BCKDHB: variants seen among roughly 807,000 people sequenced by gnomAD.
BCKDHB encodes the protein branched chain keto acid dehydrogenase E1 subunit beta.
In BCKDHB, 41 loss-of-function variants were observed where a neutral mutation model predicts 48.5. That is an observed-to-expected ratio of 0.85 (90% CI 0.66 to 1.10). BCKDHB has a LOEUF of 1.10. BCKDHB is among the 50% of genes least tolerant of loss of function. The pLI, the probability that BCKDHB is intolerant of heterozygous loss-of-function variation, is 0.00. For missense variants in BCKDHB, 496 were observed against 494.2 expected (o/e 1.00, Z -0.03); for synonymous variants, 201 against 174.8 (o/e 1.15, Z -1.18).
rs925685727 is a variant in BCKDHB at position 80,344,543 on chromosome 6, C to G, written c.*739C>G. On this transcript the variant is annotated 3_prime_UTR_variant, in exon 10 of 10. Coordinates refer to ENST00000320393, the MANE Select transcript of BCKDHB (RefSeq NM_183050.4). ...TATATTTTTAGTAGAGACGGGGTTT[C>G]ACCATGTTGGCCAGGATGGTCTCGA... The G allele has an allele frequency of 6.6e-6, 1 of 152,284 alleles. No homozygotes were observed. The highest frequency in any genetic ancestry group is 2.4e-5 in the African/African-American group (1 of 41,356). 9.4% of individuals were successfully genotyped at this position (152,284 alleles called of 1,614,324 possible). A position where few individuals can be genotyped will look rare whatever the true frequency, so the allele number is the denominator to read the frequency against.
the BCKDHB span, among the ~76,000 whole-genome samples, chr6:80,354,547 T>C: frequency 2.6e-5 from 4 of 152,204 alleles, no homozygotes; most frequent in African/African-American, 9.6e-5. Context: ...TTGTTGTTAT[T>C]GCTTACACTT....
chr6:80,253,484 A>G (rs776578664), intron 8 of BCKDHB, among the ~76,000 whole-genome samples: 1 of 152,134 alleles, frequency 6.6e-6, no homozygotes, highest in African/African-American at 2.4e-5. Flanking sequence ...TTCTTGGGCT[A>G]TGTATCCATT....
rs922682848 is a variant in BCKDHB at position 80,133,876 on chromosome 6, C to T, written c.343+4647C>T. Among the ~76,000 whole-genome samples, 63 of 152,220 alleles carry T rather than the reference C, an allele frequency of 4.1e-4. 1 individual carries two copies. The highest frequency in any genetic ancestry group is 1.4e-3 in the African/African-American group (59 of 41,534). ...TAGGCTGGTCTCGAACTCCTGACCT[C>T]AGGTGATCTGCCTCCCTTGGCCTCC... On this transcript the variant is annotated intron_variant, in intron 3 of 9. Coordinates refer to ENST00000320393, the MANE Select transcript of BCKDHB (RefSeq NM_183050.4).
chr6:80,232,679 A>T (rs1049328253), intron 8 of BCKDHB, among the ~76,000 whole-genome samples: 3 of 21,496 alleles, frequency 1.4e-4, no homozygotes, highest in African/African-American at 6.6e-4. Context: ...TATAAATATA[A>T]ATATAAATGT....
At chr6:80,449,219 C>T in the BCKDHB span, among the ~76,000 whole-genome samples, 7 of 152,014 alleles carry the variant, frequency 4.6e-5, no homozygotes, top group South Asian at 2.1e-4. Flanking sequence ...GTTGAAGAAA[C>T]GAAATTGATT....
intron 4 of BCKDHB, among the ~76,000 whole-genome samples, chr6:80,168,525 A>T (rs1343395465): frequency 2.5e-5 from 3 of 118,400 alleles, no homozygotes; most frequent in African/African-American, 6.8e-5. Flanking sequence ...TCATTGTGCT[A>T]TGGGAAAGGA....
chr6:80,386,842 C>T, the BCKDHB span, among the ~76,000 whole-genome samples: 1 of 152,198 alleles, frequency 6.6e-6, no homozygotes, highest in Admixed American at 6.5e-5. Flanking sequence ...ATTATAAAAA[C>T]AGAGAATCAC....
At chr6:80,246,071 A>G (rs1582432735) in intron 8 of BCKDHB, among the ~76,000 whole-genome samples, 1 of 152,268 alleles carries the variant, frequency 6.6e-6, no homozygotes, top group East Asian at 1.9e-4. Context: ...GTGAGACCCT[A>G]TCTCACTAAA....
At chr6:80,244,717 A>G (rs1252686706) in intron 8 of BCKDHB, among the ~76,000 whole-genome samples, 1 of 152,228 alleles carries the variant, frequency 6.6e-6, no homozygotes, top group Non-Finnish European at 1.5e-5. Flanking sequence ...GACAAAAGTC[A>G]TATTATAATG....
chr6:80,126,404 A>G (rs1350845204), intron 1 of BCKDHB, among the ~76,000 whole-genome samples: 1 of 152,190 alleles, frequency 6.6e-6, no homozygotes, highest in East Asian at 1.9e-4. Flanking sequence ...CAAGTGACCA[A>G]TGTCCCATGG....
At chr6:80,184,148 T>C (rs1450480218) in intron 6 of BCKDHB, among the ~76,000 whole-genome samples, 1 of 152,184 alleles carries the variant, frequency 6.6e-6, no homozygotes, top group African/African-American at 2.4e-5. Context: ...ATGCATATTA[T>C]TTAGGATTGT....
At chr6:80,130,923 C>T (rs1489348182) in intron 3 of BCKDHB, among the ~76,000 whole-genome samples, 1 of 152,182 alleles carries the variant, frequency 6.6e-6, no homozygotes, top group Non-Finnish European at 1.5e-5. Flanking sequence ...TCTTGCCTGA[C>T]TCAGTGTAGT....
At chr6:80,215,982 C>T (rs1467190057) in intron 8 of BCKDHB, among the ~76,000 whole-genome samples, 4 of 152,170 alleles carry the variant, frequency 2.6e-5, no homozygotes, top group African/African-American at 4.8e-5. Flanking sequence ...CCTCGTGATC[C>T]GCCTACCTCG....
At chr6:80,307,621 A>T in intron 9 of BCKDHB, 2 of 980,968 alleles carry the variant, frequency 2.0e-6, no homozygotes, top group South Asian at 9.4e-5. Context: ...AGTGACAAAC[A>T]TAAAGTATAT....
intron 3 of BCKDHB, among the ~76,000 whole-genome samples, chr6:80,140,073 A>G (rs1771111913): frequency 6.6e-6 from 1 of 152,150 alleles, no homozygotes; most frequent in African/African-American, 2.4e-5. Context: ...GCAATTGTGA[A>G]TGGGAGTTCA....
At chr6:80,305,764 C>T (rs540733481) in intron 9 of BCKDHB, among the ~76,000 whole-genome samples, 1 of 152,290 alleles carries the variant, frequency 6.6e-6, no homozygotes, top group South Asian at 2.1e-4. Flanking sequence ...GACACCTGTT[C>T]TGCCTCTCAC....
intron 9 of BCKDHB, among the ~76,000 whole-genome samples, chr6:80,315,945 T>G (rs1562225063): frequency 6.6e-6 from 1 of 152,178 alleles, no homozygotes; most frequent in Non-Finnish European, 1.5e-5. Flanking sequence ...ACACCGCAAT[T>G]TAGAGTATTA....
intron 3 of BCKDHB, 38 bp downstream of exon 3, chr6:80,129,267 C>T (rs879137299): frequency 6.6e-7 from 1 of 1,521,986 alleles, no homozygotes; most frequent in African/African-American, 1.4e-5. Flanking sequence ...TCTGATAGAA[C>T]TTTTACTAAA....
At chr6:80,327,802 A>G (rs181782750) in intron 9 of BCKDHB, among the ~76,000 whole-genome samples, 1 of 152,016 alleles carries the variant, frequency 6.6e-6, no homozygotes, top group African/African-American at 2.4e-5. Flanking sequence ...ATTTATTCAG[A>G]ATAATGCCTC....
Sources: gnomAD v4.1 joint callset for allele counts (sites outside exome capture counted in the v4.1 genomes callset) on GRCh38, gnomAD v4.1.1 for gene constraint, MANE v1.5 for transcripts, NCBI Gene and HGNC (gene_info 2026-07-23, HGNC 2026-07-21) for gene names.